The following PLCXD1 variants were observed in gnomAD, a reference collection of about 807,000 sequenced individuals.
PLCXD1 encodes phosphatidylinositol specific phospholipase C X domain containing 1.
A neutral mutation model predicts 37.8 loss-of-function variants in PLCXD1; 45 were observed. The ratio of observed to expected loss-of-function variants is 1.19; its 90% CI spans 0.94 to 1.53. The LOEUF (loss-of-function observed/expected upper bound fraction) is 1.53. PLCXD1 is among the 40% of genes most tolerant of loss of function. PLCXD1 has a pLI of 0.00. For missense variants in PLCXD1, 539 were observed against 454.7 expected (o/e 1.19, Z -1.69); for synonymous variants, 246 against 206.9 (o/e 1.19, Z -1.62).
At chrX:286,958 C>T (rs966449348) in intron 2 of PLCXD1, among the ~76,000 whole-genome samples, 2 of 151,178 alleles carry the variant, frequency 1.3e-5, no homozygotes, top group African/African-American at 2.4e-5. Flanking sequence ...CAATGCCTCT[C>T]GGGGTCTGGG....
rs527946443 is a variant in PLCXD1 at position 299,825 on chromosome X, G to C, written c.*490G>C. The C allele has an allele frequency of 6.1e-5, 10 of 165,240 alleles. No individual in the cohort carries two copies. The South Asian group carries it at 7.5e-4, about 12-fold the overall frequency. The allele number at this position is 165,240 out of a possible 1,614,324, so 10.2% of individuals were successfully genotyped here. On this transcript the variant is annotated 3_prime_UTR_variant, in exon 7 of 7. Coordinates refer to ENST00000381657, the MANE Select transcript of PLCXD1 (RefSeq NM_018390.4). Reference sequence around the variant, plus strand: ...CATCCCAGCACTTTGGGAGGCGAAGGCGGGTGGAACATGAGGTCAGGAGTT... The same window carrying C: ...CATCCCAGCACTTTGGGAGGCGAAGCCGGGTGGAACATGAGGTCAGGAGTT...
At chrX:277,092 C>T (rs1339054588), upstream of PLCXD1, among the ~76,000 whole-genome samples, 10 of 152,130 alleles carry the variant, frequency 6.6e-5, no homozygotes, top group Non-Finnish European at 1.0e-4. Flanking sequence ...GACCCCACTC[C>T]GCTGTGCCGT....
chrX:292,322 G>A (rs1200421776), intron 5 of PLCXD1, among the ~76,000 whole-genome samples: 1 of 151,974 alleles, frequency 6.6e-6, no homozygotes, highest in East Asian at 2.0e-4. Flanking sequence ...AGCCGGGCGT[G>A]GTGGCGGGCG....
intron 3 of PLCXD1, among the ~76,000 whole-genome samples, chrX:289,994 C>G (rs763427923): frequency 3.2e-4 from 48 of 152,118 alleles, no homozygotes; most frequent in Non-Finnish European, 5.7e-4. Context: ...GTCTCGCTCT[C>G]TCACCCAGAC....
chrX:296,393 G>C (rs1339907944), intron 6 of PLCXD1, among the ~76,000 whole-genome samples: 3 of 152,174 alleles, frequency 2.0e-5, no homozygotes, highest in East Asian at 3.9e-4. Flanking sequence ...AACGTGCTGG[G>C]ATGACAGGCA....
Position 293,199 on chromosome X carries a change from G to C in PLCXD1, c.714G>C (p.Met238Ile). The change falls in exon 6 of 7, where the codon ATG becomes ATC. Residue 238 changes from methionine to isoleucine, a missense_variant. By Grantham distance (10) the Met-to-Ile change is conservative. Transcript: ENST00000381657. ...CCCTCATCCGATACCTGGAGACCATGAAGAGCTGCGGCCGCCCAGGTACCA... is the reference window on the plus strand; with the variant it reads ...CCCTCATCCGATACCTGGAGACCATCAAGAGCTGCGGCCGCCCAGGTACCA... ...TEALIRYLET[M>I]KSCGRPGGLF... The C allele has an allele frequency of 6.2e-7, 1 of 1,610,974 alleles. No individual in the cohort carries two copies. The highest frequency in any genetic ancestry group is 8.5e-7 in the Non-Finnish European group (1 of 1,178,654).
chrX:287,852 C>T (rs2069507939), intron 2 of PLCXD1, among the ~76,000 whole-genome samples: 1 of 151,890 alleles, frequency 6.6e-6, no homozygotes, highest in South Asian at 2.1e-4. Context: ...CTACAAAGGT[C>T]TGTGTTTCTT....
At position 302,473 on chromosome X, in the gene PLCXD1, A is replaced by AAC. The variant is rs1382225109; in HGVS notation, c.*3139_*3140dup. 2 of 152,000 alleles carry AAC rather than the reference A, an allele frequency of 1.3e-5. No homozygotes were observed. Among genetic ancestry groups the AAC allele is most frequent in the Admixed American group, 6.6e-5 (1 of 15,256 alleles). 9.4% of individuals were successfully genotyped at this position (152,000 alleles called of 1,614,324 possible). On this transcript the variant is annotated 3_prime_UTR_variant, in exon 7 of 7. Transcript: ENST00000381657. ...CAATGGCACGATCTCAGCTCACTGCAACCTCTGCCTCCCGGGTTCAAGTGA... is the reference window on the plus strand; with the variant it reads ...CAATGGCACGATCTCAGCTCACTGCAACACCTCTGCCTCCCGGGTTCAAGTGA...
intron 6 of PLCXD1, 35 bp downstream of exon 6, chrX:293,253 A>C (rs758204401): frequency 1.4e-5 from 22 of 1,556,148 alleles, no homozygotes; most frequent in Non-Finnish European, 1.9e-5. Context: ...TAGATTCCAC[A>C]CAGCCTCCCG....
intron 6 of PLCXD1, among the ~76,000 whole-genome samples, chrX:295,547 G>C (rs1467738261): frequency 6.7e-6 from 1 of 149,768 alleles, no homozygotes; most frequent in Non-Finnish European, 1.5e-5. Flanking sequence ...TTTTTGAGGT[G>C]GAGTCTCACT....
intron 6 of PLCXD1, among the ~76,000 whole-genome samples, chrX:293,719 G>T (rs1054771225): frequency 6.6e-6 from 1 of 152,196 alleles, no homozygotes; most frequent in African/African-American, 2.4e-5. Flanking sequence ...CTCTGACAAG[G>T]ATGCAGCGGG....
At chrX:284,735 T>C (rs373260634) in intron 2 of PLCXD1, among the ~76,000 whole-genome samples, 3 of 151,224 alleles carry the variant, frequency 2.0e-5, no homozygotes, top group Admixed American at 6.6e-5. Flanking sequence ...AACAAAGACA[T>C]ACCCGAGACT....
chrX:279,402 T>A (rs28662161), upstream of PLCXD1, among the ~76,000 whole-genome samples: 54,253 of 152,096 alleles, frequency 0.36, 11,109 homozygotes, highest in Non-Finnish European at 0.47. Flanking sequence ...AAGGTGGGAC[T>A]GCTCCACTGG....
rs1173167275 is a variant in PLCXD1 at position 281,527 on chromosome X, T to C, written c.-179T>C. The C allele has an allele frequency of 1.3e-5, 2 of 152,306 alleles. No individual in the cohort carries two copies. Among genetic ancestry groups the C allele is most frequent in the African/African-American group, 4.8e-5 (2 of 41,382 alleles). The allele number at this position is 152,306 out of a possible 1,614,324, so 9.4% of individuals were successfully genotyped here. A position where few individuals can be genotyped will look rare whatever the true frequency, so the allele number is the denominator to read the frequency against. On this transcript the variant is annotated 5_prime_UTR_variant, in exon 1 of 7. Transcript: ENST00000381657. ...CAGTGTGGAAGAGAAGGCAGCAGGA[T>C]TATTACAGAACCTTGTGAAGCCAAC...
intron 1 of PLCXD1, among the ~76,000 whole-genome samples, chrX:282,285 G>A (rs191712115): frequency 5.3e-5 from 8 of 152,144 alleles, no homozygotes; most frequent in South Asian, 2.1e-4. Flanking sequence ...TGGAGGCTGA[G>A]GCAGGAGAAT....
chrX:287,395 AT>A (rs916727181), intron 2 of PLCXD1, among the ~76,000 whole-genome samples: 4 of 143,508 alleles, frequency 2.8e-5, no homozygotes, highest in African/African-American at 1.0e-4. Flanking sequence ...AAAAATATGT[AT>A]TTATGTAAAT....
rs761102664 is a variant in PLCXD1 at position 291,516 on chromosome X, C to A, written c.411C>A (p.Ile137=). The A allele has an allele frequency of 8.1e-6, 13 of 1,612,806 alleles. No individual in the cohort carries two copies. The highest frequency in any genetic ancestry group is 7.6e-6 in the Non-Finnish European group (9 of 1,179,866). Residue 137 remains isoleucine (I), a synonymous_variant, in exon 5 of 7, where the codon ATC becomes ATA. Coordinates refer to ENST00000381657, the MANE Select transcript of PLCXD1 (RefSeq NM_018390.4). The part of the protein sequence containing the change: ...TALVEDTLTE[I]SEWLERHPRE... ...CTCCCCAGGACACACTCACGGAAAT[C>A]TCGGAGTGGCTGGAGCGGCATCCAC...
At chrX:288,700 G>A in intron 2 of PLCXD1, 33 bp from the exon 3 acceptor site, 1 of 1,612,292 alleles carries the variant, frequency 6.2e-7, no homozygotes, top group Non-Finnish European at 8.5e-7. Flanking sequence ...ACGGACTCGT[G>A]GTGACATGTC....
In PLCXD1 at chrX:300,454, ATGTGTATATGTGTGTGTGTG is replaced by A. The variant is rs1311944051; in HGVS notation, c.*1135_*1154del. On this transcript the variant is annotated 3_prime_UTR_variant, in exon 7 of 7. Transcript: ENST00000381657. ...TGTATATATGTATGTATGTTTATAC[ATGTGTATATGTGTGTGTGTG>A]TGTGTATATGTGTGTATGTGTGTAT... 18 of 140,098 alleles carry A rather than the reference ATGTGTATATGTGTGTGTGTG, an allele frequency of 1.3e-4. No individual in the cohort carries two copies. Among genetic ancestry groups the A allele is most frequent in the African/African-American group, 2.5e-4 (9 of 35,842 alleles). The allele number at this position is 140,098 out of a possible 1,614,324, so 8.7% of individuals were successfully genotyped here.
Sources: gnomAD v4.1 joint callset for allele counts (sites outside exome capture counted in the v4.1 genomes callset) on GRCh38, gnomAD v4.1.1 for gene constraint, MANE v1.5 for transcripts, NCBI Gene and HGNC (gene_info 2026-07-23, HGNC 2026-07-21) for gene names.